The following CWC27 variants were observed in gnomAD, a reference collection of about 807,000 sequenced individuals.
The protein encoded by CWC27 is CWC27 spliceosome associated cyclophilin, also known as spliceosome-associated protein CWC27 homolog.
Under a neutral mutation model 63.6 loss-of-function variants are expected in CWC27, and 47 were observed. The observed-to-expected ratio is 0.74, with a 90% CI of 0.58 to 0.94. The LOEUF is 0.94. Ranked by LOEUF, CWC27 falls within the 40% of genes least tolerant of loss-of-function variation. The probability of loss-of-function intolerance (pLI) is 0.00; values close to 1 mark genes in which losing one functional copy is unlikely to be tolerated. For missense variants in CWC27, 495 were observed against 554.3 expected (o/e 0.89, Z 1.07); for synonymous variants, 175 against 179.8 (o/e 0.97, Z 0.22).
intron 10 of CWC27, among the ~76,000 whole-genome samples, chr5:64,812,434 G>T (rs1353669787): frequency 2.0e-5 from 3 of 152,080 alleles, no homozygotes; most frequent in African/African-American, 7.2e-5. Context: ...GACAGTAAAA[G>T]AAAGGAAGAG....
intron 11 of CWC27, among the ~76,000 whole-genome samples, chr5:64,945,741 T>C (rs1312595758): frequency 3.9e-5 from 6 of 152,150 alleles, no homozygotes; most frequent in Non-Finnish European, 2.9e-5. Flanking sequence ...CTTTCCATAA[T>C]GGTAACAGTC....
chr5:64,837,571 T>A (rs564567899), intron 10 of CWC27, among the ~76,000 whole-genome samples: 2 of 152,052 alleles, frequency 1.3e-5, no homozygotes, highest in Non-Finnish European at 2.9e-5. Flanking sequence ...TATCTAGCAT[T>A]AGTCTTATCT....
intron 10 of CWC27, among the ~76,000 whole-genome samples, chr5:64,844,606 T>C (rs1476504486): frequency 6.6e-6 from 1 of 152,144 alleles, no homozygotes; most frequent in Non-Finnish European, 1.5e-5. Flanking sequence ...AAACCTGCTT[T>C]ACAACCCCAC....
intron 11 of CWC27, among the ~76,000 whole-genome samples, chr5:64,935,859 C>T (rs910088424): frequency 3.3e-5 from 5 of 152,134 alleles, no homozygotes; most frequent in Non-Finnish European, 7.3e-5. Flanking sequence ...CTCTTTGTAG[C>T]AATTGTGAAT....
intron 11 of CWC27, among the ~76,000 whole-genome samples, chr5:64,969,208 A>G (rs1048152177): frequency 7.2e-5 from 11 of 152,370 alleles, no homozygotes; most frequent in African/African-American, 1.9e-4. Context: ...GACATGAGAT[A>G]GCAGAATTCA....
chr5:64,941,552 T>A (rs951837345), intron 11 of CWC27, among the ~76,000 whole-genome samples: 27 of 152,034 alleles, frequency 1.8e-4, no homozygotes, highest in African/African-American at 2.9e-4. Flanking sequence ...ACAGAAAAAA[T>A]TTATCATAAA....
intron 11 of CWC27, among the ~76,000 whole-genome samples, chr5:64,938,972 T>G (rs1310724576): frequency 6.6e-6 from 1 of 152,226 alleles, no homozygotes; most frequent in Non-Finnish European, 1.5e-5. Context: ...ATTTAATGTC[T>G]TCTCTACACT....
rs1019785583 is a variant in CWC27 at position 64,982,156 on chromosome 5, A to G, written c.1256+4918A>G. Among the ~76,000 whole-genome samples, 4 of 152,200 alleles carry G rather than the reference A, an allele frequency of 2.6e-5. No homozygotes were observed. The South Asian group carries it at 8.3e-4, about 32-fold the overall frequency. On this transcript the variant is annotated intron_variant, in intron 13 of 13. Coordinates refer to ENST00000381070, the MANE Select transcript of CWC27 (RefSeq NM_005869.4). ...ATAATACAGATGTAAAAAAGAGATTATTGACTTTTAGACCCAGTCAGACCT... is the reference window on the plus strand; with the variant it reads ...ATAATACAGATGTAAAAAAGAGATTGTTGACTTTTAGACCCAGTCAGACCT...
At chr5:64,862,705 T>A (rs1038815659) in intron 10 of CWC27, among the ~76,000 whole-genome samples, 1 of 152,194 alleles carries the variant, frequency 6.6e-6, no homozygotes, top group African/African-American at 2.4e-5. Context: ...TTTTTTTTAG[T>A]CTCTTGAGTT....
chr5:64,885,678 T>G, intron 11 of CWC27, 132 bp downstream of exon 11: 77 of 549,630 alleles, frequency 1.4e-4, no homozygotes, highest in Middle Eastern at 3.2e-4. Context: ...CCCTCTTTCT[T>G]TCCCTCCCTC....
At chr5:64,961,871 T>C (rs913069098) in intron 11 of CWC27, among the ~76,000 whole-genome samples, 4 of 152,212 alleles carry the variant, frequency 2.6e-5, no homozygotes, top group Non-Finnish European at 5.9e-5. Flanking sequence ...GCTTGACATA[T>C]AATAAGTTCT....
chr5:64,773,868 T>A (rs1743347186), intron 1 of CWC27: 2 of 152,348 alleles, frequency 1.3e-5, no homozygotes, highest in Non-Finnish European at 1.5e-5. Flanking sequence ...GTGGAAAGGC[T>A]ATCACGGGAT....
intron 11 of CWC27, 113 bp downstream of exon 11, chr5:64,885,659 T>A: frequency 1.3e-6 from 1 of 764,544 alleles, no homozygotes; most frequent in Non-Finnish European, 2.2e-6. Flanking sequence ...TTCCTTCTCA[T>A]TTTTTCTTCC....
intron 6 of CWC27, 95 bp from the exon 7 acceptor site, chr5:64,788,856 T>C (rs1743974615): frequency 1.3e-6 from 1 of 778,616 alleles, no homozygotes; most frequent in African/African-American, 1.8e-5. Context: ...TATTTCTTCT[T>C]GTAAATTCTG....
chr5:64,913,928 A>T lies in CWC27; in HGVS notation c.1042+28382A>T, dbSNP rs1223157494. On this transcript the variant is annotated intron_variant, in intron 11 of 13. Coordinates refer to ENST00000381070, the MANE Select transcript of CWC27 (RefSeq NM_005869.4). The stretch of plus-strand genomic sequence containing the variant: ...AGTCAAAAATGAGATAGACTATTTT[A>T]TCTATCTAATATCAAGACTTGTTAT... Among the ~76,000 whole-genome samples, 4 of 152,134 alleles carry T rather than the reference A, an allele frequency of 2.6e-5. No individual in the cohort carries two copies. The East Asian group carries it at 7.7e-4, about 29-fold the overall frequency.
chr5:64,793,739 G>T (rs1256736318), intron 7 of CWC27, among the ~76,000 whole-genome samples: 1 of 152,162 alleles, frequency 6.6e-6, no homozygotes, highest in African/African-American at 2.4e-5. Flanking sequence ...AAAAATAATT[G>T]TTTCATTCTT....
chr5:64,917,267 A>C (rs938889985), intron 11 of CWC27, among the ~76,000 whole-genome samples: 6 of 152,144 alleles, frequency 3.9e-5, no homozygotes, highest in Non-Finnish European at 8.8e-5. Context: ...CTCTGCATAC[A>C]TATTGTGACT....
intron 5 of CWC27, 127 bp downstream of exon 5, chr5:64,785,706 CTAATT>C: frequency 1.9e-6 from 1 of 529,336 alleles, no homozygotes. Context: ...AATTTTATCT[CTAATT>C]TATTTGGGCA....
intron 13 of CWC27, 35 bp downstream of exon 13, chr5:64,977,273 C>A (rs757224565): frequency 2.1e-6 from 3 of 1,398,172 alleles, no homozygotes; most frequent in Non-Finnish European, 2.0e-6. Context: ...TAACCATGAA[C>A]AAATAGTCTC....
Sources: allele counts gnomAD v4.1 joint callset (sites outside exome capture counted in the v4.1 genomes callset), GRCh38; gene constraint gnomAD v4.1.1; transcripts MANE v1.5; gene names NCBI Gene and HGNC (gene_info 2026-07-23, HGNC 2026-07-21).